BAHCC1: variants seen among roughly 807,000 people sequenced by gnomAD.
BAHCC1 encodes the protein BAH and coiled-coil domain-containing protein 1.
Under a neutral mutation model 88.2 loss-of-function variants are expected in BAHCC1, and 43 were observed. The ratio of observed to expected loss-of-function variants is 0.49; its 90% CI spans 0.38 to 0.63. The LOEUF (loss-of-function observed/expected upper bound fraction) is 0.63. Ranked by LOEUF, BAHCC1 falls within the 20% of genes least tolerant of loss-of-function variation. The pLI is 0.00. For missense variants in BAHCC1, 3,023 were observed against 1,654.8 expected, an observed-to-expected ratio of 1.83 and a Z score of -14.34; for synonymous variants, 1,510 against 745.5, an observed-to-expected ratio of 2.03 and a Z score of -16.71.
Position 81,455,327 on chromosome 17 carries a change from G to A in BAHCC1, c.4506G>A (p.Glu1502=). The A allele has an allele frequency of 1.4e-6, 1 of 717,368 alleles. No homozygotes were observed. Among genetic ancestry groups the A allele is most frequent in the Non-Finnish European group, 2.6e-6 (1 of 385,246 alleles). The allele number at this position is 717,368 out of a possible 1,614,324, so 44.4% of individuals were successfully genotyped here. The change falls in exon 15 of 28, where the codon GAG becomes GAA. Residue 1502 remains glutamate (E), a synonymous_variant. Transcript: ENST00000675386. ...CAELRGGSGG[E]PAKKRSKLER... is the part of the protein sequence containing the mutation. ...AGCTGCGAGGAGGCAGTGGGGGCGAGCCTGCGAAGAAGCGAAGCAAGCTGG... is the reference window on the plus strand; with the variant it reads ...AGCTGCGAGGAGGCAGTGGGGGCGAACCTGCGAAGAAGCGAAGCAAGCTGG...
rs1172259190 is a variant in BAHCC1, at chr17:81,399,943, G to T, written c.178+26G>T. ...GTCAGTGCTCGGCCGGGGCGGGCGC[G>T]GGACGGGAGCGTTCGAGAGCGGAAC... On this transcript the variant is annotated intron_variant, in intron 2 of 27. Coordinates refer to ENST00000675386, the MANE Select transcript of BAHCC1 (RefSeq NM_001377448.1). The surrounding 1 kb of genome is among the most constrained non-coding windows in gnomAD (Gnocchi z 4.5). 1.5e-6 allele frequency: 2 copies of T among 1,324,448 alleles called. No homozygotes were observed. Among genetic ancestry groups the T allele is most frequent in the African/African-American group, 1.5e-5 (1 of 64,608 alleles). The allele number at this position is 1,324,448 out of a possible 1,614,324, so 82.0% of individuals were successfully genotyped here. A position where few individuals can be genotyped will look rare whatever the true frequency, so the allele number is the denominator to read the frequency against.
chr17:81,462,110 C>T, intron 26 of BAHCC1, 64 bp downstream of exon 26: 1 of 664,726 alleles, frequency 1.5e-6, no homozygotes, highest in Non-Finnish European at 2.7e-6. Context: ...GGCTCATGCG[C>T]CCCTGCTGCC....
chr17:81,402,371 TA>T (rs1478666383), intron 2 of BAHCC1: 1 of 152,198 alleles, frequency 6.6e-6, no homozygotes, highest in African/African-American at 2.4e-5. Flanking sequence ...TGTATTTTTT[TA>T]AAAAAAGAAT....
At chr17:81,398,663 T>C (rs2063770923) in intron 1 of BAHCC1, among the ~76,000 whole-genome samples, 1 of 151,786 alleles carries the variant, frequency 6.6e-6, no homozygotes, top group Non-Finnish European at 1.5e-5. Context: ...CTGGGCGAAT[T>C]TGATTGGGGG....
chr17:81,405,405 A>C (rs2063866189), intron 2 of BAHCC1, among the ~76,000 whole-genome samples: 3 of 152,094 alleles, frequency 2.0e-5, no homozygotes, highest in African/African-American at 7.2e-5. Flanking sequence ...ATATATAGCC[A>C]CTTCCCAGGA....
Position 81,435,313 on chromosome 17 carries a change from C to T in BAHCC1, c.359-3057C>T, listed in dbSNP as rs2064320613. ...GGTGCCTGTGGCTTTGAGCCTCTGT[C>T]TCCTGCAGTCTGTCCCATCACAGGA... is the stretch of plus-strand genomic sequence containing the variant. On this transcript the variant is annotated intron_variant, in intron 3 of 27. Transcript: ENST00000675386. This position sits in a 1 kb window ranked among gnomAD's most constrained non-coding sequence, Gnocchi z 4.4. 2 of 392,126 alleles carry T rather than the reference C, an allele frequency of 5.1e-6. No individual in the cohort carries two copies. The highest frequency in any genetic ancestry group is 1.0e-5 in the Non-Finnish European group (2 of 193,042). 24.3% of individuals were successfully genotyped at this position (392,126 alleles called of 1,614,324 possible).
chr17:81,412,782 T>C (rs1047926391), intron 2 of BAHCC1, among the ~76,000 whole-genome samples: 16 of 152,172 alleles, frequency 1.1e-4, no homozygotes, highest in African/African-American at 3.9e-4. Context: ...ACAGCGAACA[T>C]TGATTATTTC....
intron 21 of BAHCC1, 41 bp downstream of exon 21, chr17:81,459,209 G>T: frequency 1.3e-6 from 1 of 772,762 alleles, no homozygotes; most frequent in East Asian, 2.4e-5. Context: ...GGGCCTGGAG[G>T]GCAACCGAGA....
rs899837206 is a variant in BAHCC1, at chr17:81,455,351, G to A, written c.4530G>A (p.Leu1510=). The change falls in exon 15 of 28, where the codon CTG becomes CTA. Residue 1510 remains leucine, a synonymous_variant. Transcript: ENST00000675386. ...GGEPAKKRSK[L]ERSVYAGLQT... ...AGCCTGCGAAGAAGCGAAGCAAGCT[G>A]GAGAGGAGCGTCTATGCGGGCCTGC... 5.6e-6 allele frequency: 4 copies of A among 716,868 alleles called. No homozygotes were observed. Among genetic ancestry groups the A allele is most frequent in the African/African-American group, 3.5e-5 (2 of 57,394 alleles). 44.4% of individuals were successfully genotyped at this position (716,868 alleles called of 1,614,324 possible). A position where few individuals can be genotyped will look rare whatever the true frequency, so the allele number is the denominator to read the frequency against.
At chr17:81,449,307 CT>C (rs1256921850) in intron 11 of BAHCC1, among the ~76,000 whole-genome samples, 31 of 152,270 alleles carry the variant, frequency 2.0e-4, no homozygotes, top group East Asian at 7.7e-4. Flanking sequence ...CTGCCCTCCC[CT>C]TGTCCCCGTT....
intron 2 of BAHCC1, among the ~76,000 whole-genome samples, chr17:81,404,048 C>T (rs569976294): frequency 2.6e-5 from 4 of 152,356 alleles, no homozygotes; most frequent in South Asian, 4.1e-4. Flanking sequence ...CTGGAAAACG[C>T]GCGTCCCCCC....
chr17:81,402,924 G>C (rs1410145901), intron 2 of BAHCC1: 1 of 152,256 alleles, frequency 6.6e-6, no homozygotes. Context: ...TTATGGTAAA[G>C]TGCTGTTCCA....
intron 2 of BAHCC1, among the ~76,000 whole-genome samples, chr17:81,417,332 C>T (rs376828682): frequency 2.4e-4 from 36 of 152,258 alleles, no homozygotes; most frequent in African/African-American, 7.9e-4. Flanking sequence ...GCCGACCGCC[C>T]CACAGCCCTC....
intron 2 of BAHCC1, among the ~76,000 whole-genome samples, chr17:81,408,721 C>T (rs1238981778): frequency 2.0e-5 from 3 of 152,214 alleles, no homozygotes; most frequent in Non-Finnish European, 4.4e-5. Context: ...CAGCCCTGAC[C>T]ACCCACCTGG....
In BAHCC1 at chr17:81,464,846, C is replaced by T. The variant is rs1484901126; in HGVS notation, c.*1029C>T. ...CCCTCACCCTCGCCGCCCTGGCACA[C>T]TCGGGAAGCAGGGCCCAGCTCTGAG... On this transcript the variant is annotated 3_prime_UTR_variant, in exon 28 of 28. Coordinates refer to ENST00000675386, the MANE Select transcript of BAHCC1 (RefSeq NM_001377448.1). 1 of 152,386 alleles carries T rather than the reference C, an allele frequency of 6.6e-6. No homozygotes were observed. Among genetic ancestry groups the T allele is most frequent in the Non-Finnish European group, 1.5e-5 (1 of 68,056 alleles). The allele number at this position is 152,386 out of a possible 1,614,324, so 9.4% of individuals were successfully genotyped here.
rs782672410 is a variant in BAHCC1 at position 81,455,254 on chromosome 17, C to T, written c.4446-13C>T. 38 of 713,406 alleles carry T rather than the reference C, an allele frequency of 5.3e-5. No individual in the cohort carries two copies. The African/African-American group carries it at 6.1e-4, about 11-fold the overall frequency. The allele number at this position is 713,406 out of a possible 1,614,324, so 44.2% of individuals were successfully genotyped here. ...CCTGCATCTGCCCTGCACCCACCACCCCATGCCCCCAGGGCGGTGCGGACA... is the reference window on the plus strand; with the variant it reads ...CCTGCATCTGCCCTGCACCCACCACTCCATGCCCCCAGGGCGGTGCGGACA... On this transcript the variant is annotated splice_polypyrimidine_tract_variant and intron_variant, in intron 14 of 27. Coordinates refer to ENST00000675386, the MANE Select transcript of BAHCC1 (RefSeq NM_001377448.1).
intron 2 of BAHCC1, among the ~76,000 whole-genome samples, chr17:81,417,164 CCT>C: frequency 6.6e-6 from 1 of 152,252 alleles, no homozygotes; most frequent in East Asian, 1.9e-4. Context: ...TGCGTGTGCC[CCT>C]GACATCTTCA....
At position 81,463,692 on chromosome 17, in the gene BAHCC1, C is replaced by A. The variant is rs1555660085; in HGVS notation, c.7702C>A (p.Gln2568Lys). 1 of 779,526 alleles carries A rather than the reference C, an allele frequency of 1.3e-6. No individual in the cohort carries two copies. Among genetic ancestry groups the A allele is most frequent in the East Asian group, 2.4e-5 (1 of 41,260 alleles). 48.3% of individuals were successfully genotyped at this position (779,526 alleles called of 1,614,324 possible). A position where few individuals can be genotyped will look rare whatever the true frequency, so the allele number is the denominator to read the frequency against. ...SHKCQVVAREQYEQMARSRKC... is the reference protein window; with the variant it reads ...SHKCQVVAREKYEQMARSRKC... ...CAAGTGCCAGGTCGTGGCGCGCGAG[C>A]AGTATGAGCAGATGGCCCGGAGCCG... Residue 2568 changes from glutamine to lysine, a missense_variant, in exon 28 of 28, where the codon CAG becomes AAG. Gln to Lys is a moderately conservative substitution (Grantham distance 53). Coordinates refer to ENST00000675386, the MANE Select transcript of BAHCC1 (RefSeq NM_001377448.1).
intron 11 of BAHCC1, among the ~76,000 whole-genome samples, chr17:81,448,107 G>C (rs1181146286): frequency 6.6e-6 from 1 of 152,218 alleles, no homozygotes; most frequent in Non-Finnish European, 1.5e-5. Context: ...CTCAGAGGAA[G>C]GGCCTCTCGG....
Sources: allele counts gnomAD v4.1 joint callset (sites outside exome capture counted in the v4.1 genomes callset), GRCh38; gene constraint gnomAD v4.1.1; non-coding constraint Gnocchi (gnomAD v3.1); transcripts MANE v1.5; gene names NCBI Gene and HGNC (gene_info 2026-07-23, HGNC 2026-07-21).